MED16: variants seen among roughly 807,000 people sequenced by gnomAD.
MED16 encodes mediator complex subunit 16, also known as mediator of RNA polymerase II transcription subunit 16.
In MED16, 81 loss-of-function variants were observed where a neutral mutation model predicts 84.4. That is an observed-to-expected ratio of 0.96 (90% confidence interval 0.80 to 1.15). The LOEUF (loss-of-function observed/expected upper bound fraction) is 1.15. Among genes scored for constraint, MED16 ranks in the 50% most tolerant of loss-of-function variants. The probability of loss-of-function intolerance (pLI) is 0.00; values close to 1 mark genes in which losing one functional copy is unlikely to be tolerated. For missense variants in MED16, 1,585 were observed against 1,245.9 expected, an observed-to-expected ratio of 1.27 and a Z score of -4.10; for synonymous variants, 897 against 552.2, an observed-to-expected ratio of 1.62 and a Z score of -8.76.
chr19:889,911 CGGCCCAGGTAG>C (rs1312308317), intron 3 of MED16, 104 bp from the exon 4 acceptor site: 23 of 1,383,112 alleles, frequency 1.7e-5, no homozygotes, highest in Non-Finnish European at 2.1e-5. Context: ...GGAGAGGTCT[CGGCCCAGGTAG>C]GGCACAGCAG....
intron 3 of MED16, 137 bp from the exon 4 acceptor site, chr19:889,944 C>A (rs1036759477): frequency 9.4e-7 from 1 of 1,066,674 alleles, no homozygotes; most frequent in African/African-American, 1.6e-5. Flanking sequence ...TGGCACAAGG[C>A]GCACTCCAGA....
Position 884,994 on chromosome 19 carries a change from C to G in MED16, c.894G>C (p.Ala298=). The G allele has an allele frequency of 1.9e-6, 3 of 1,603,240 alleles. No individual in the cohort carries two copies. The highest frequency in any genetic ancestry group is 2.5e-6 in the Non-Finnish European group (3 of 1,177,548). Residue 298 remains alanine (A), a synonymous_variant, in exon 6 of 16, where the codon GCG becomes GCC. Transcript: ENST00000325464. ...RDMSEQVLLC[A]SSQTSSIVEC... Reference sequence around the variant, plus strand: ...CCACGATGCTGCTGGTCTGGCTGGACGCGCACAAAAGCACCTGCGGGGGAG... The same window carrying G: ...CCACGATGCTGCTGGTCTGGCTGGAGGCGCACAAAAGCACCTGCGGGGGAG...
chr19:879,432 AGCCCCACG>A (rs1324903739), intron 8 of MED16, among the ~76,000 whole-genome samples: 1 of 50,402 alleles, frequency 2.0e-5, no homozygotes, highest in Non-Finnish European at 3.8e-5. Flanking sequence ...CACCAACCCC[AGCCCCACG>A]TGCCCCAGCA....
intron 1 of MED16, among the ~76,000 whole-genome samples, chr19:891,569 G>A (rs2036633781): frequency 6.6e-6 from 1 of 152,146 alleles, no homozygotes; most frequent in African/African-American, 2.4e-5. Flanking sequence ...CGGTGGGGCG[G>A]CTCCCTGTAG....
In MED16 at chr19:875,243, C is replaced by T; in HGVS notation, c.1771+1G>A. The T allele has an allele frequency of 6.2e-7, 1 of 1,604,704 alleles. No individual in the cohort carries two copies. The highest frequency in any genetic ancestry group is 1.1e-5 in the South Asian group (1 of 90,536). ...GGCCCCGGGCGTGGAAAAGGACCCA[C>T]CGACGTCGGTGATCTTGGTGCAGAT... On this transcript the variant is annotated splice_donor_variant, in intron 10 of 15. Coordinates refer to ENST00000325464, the MANE Select transcript of MED16 (RefSeq NM_005481.3). LOFTEE classifies it high-confidence loss of function.
chr19:878,250 C>T (rs1310562834), intron 8 of MED16, among the ~76,000 whole-genome samples: 12 of 75,414 alleles, frequency 1.6e-4, no homozygotes, highest in Non-Finnish European at 1.0e-4. Flanking sequence ...AGCCCCAGCC[C>T]CAGCCCCACG....
intron 9 of MED16, among the ~76,000 whole-genome samples, chr19:876,770 C>T (rs2036241444): frequency 6.6e-6 from 1 of 152,126 alleles, no homozygotes; most frequent in Admixed American, 6.5e-5. Context: ...GCAGAGACCT[C>T]CTCCACCCTC....
intron 4 of MED16, among the ~76,000 whole-genome samples, chr19:887,102 A>G (rs889124246): frequency 9.9e-5 from 15 of 152,020 alleles, no homozygotes; most frequent in Admixed American, 7.9e-4. Context: ...AAAAAGAACA[A>G]GAAAAATGTC....
chr19:870,720 G>GA (rs1357857348), intron 13 of MED16, among the ~76,000 whole-genome samples: 1 of 151,776 alleles, frequency 6.6e-6, no homozygotes, highest in African/African-American at 2.4e-5. Context: ...AACATGGAGG[G>GA]AAGGAGCCGT....
chr19:872,254 G>GAT (rs1438306734), intron 11 of MED16, 136 bp from the exon 12 acceptor site: 3 of 712,658 alleles, frequency 4.2e-6, no homozygotes, highest in East Asian at 5.7e-5. Context: ...TCAGGACTGG[G>GAT]GTGCTTCTGG....
intron 12 of MED16, chr19:871,474 T>TGGGCGGGGGGGGGCGG: frequency 1.4e-6 from 2 of 1,451,594 alleles, no homozygotes; most frequent in Non-Finnish European, 1.8e-6. Flanking sequence ...TGGCCTGTCA[T>TGGGCGGGGGGGGGCGG]GAGACTCCCT....
At chr19:890,034 C>A (rs2036602104) in intron 3 of MED16, 103 bp downstream of exon 3, 1 of 927,714 alleles carries the variant, frequency 1.1e-6, no homozygotes. Context: ...AGACCAGGGG[C>A]TCTAGACCCA....
chr19:884,065 C>T lies in MED16; in HGVS notation c.985+838G>A, dbSNP rs1396740868. Among the ~76,000 whole-genome samples, 11 of 152,292 alleles carry T rather than the reference C, an allele frequency of 7.2e-5. No homozygotes were observed. The East Asian group carries it at 1.7e-3, about 24-fold the overall frequency. ...CCATCGGGGCCTCTTGACACGTGCT[C>T]ATTAGTGGCTTCTGAGGAGCGCCTG... On this transcript the variant is annotated intron_variant, in intron 6 of 15. Coordinates refer to ENST00000325464, the MANE Select transcript of MED16 (RefSeq NM_005481.3).
chr19:881,086 G>A (rs769421324), intron 7 of MED16, among the ~76,000 whole-genome samples: 1 of 152,106 alleles, frequency 6.6e-6, no homozygotes, highest in African/African-American at 2.4e-5. Context: ...AACCAGGGAA[G>A]AACGGGAGCT....
intron 5 of MED16, among the ~76,000 whole-genome samples, 155 bp from the exon 6 acceptor site, chr19:885,163 C>T (rs1353081783): frequency 6.6e-6 from 1 of 152,186 alleles, no homozygotes; most frequent in Admixed American, 6.5e-5. Context: ...CCAGCCCAGG[C>T]CTGTCCCCAG....
chr19:880,012 G>C lies in MED16; in HGVS notation c.1278C>G (p.Gly426=). The change falls in exon 8 of 16, where the codon GGC becomes GGG. Residue 426 remains glycine (G), a synonymous_variant. Transcript: ENST00000325464. ...EPAMKRPRTA[G]PAVHLKAMQL... ...GCATAGCCTTTAAGTGGACGGCGGG[G>C]CCCGCGGTGCGGGGGCGCTTCATGG... is the stretch of plus-strand genomic sequence containing the variant. 6.2e-7 allele frequency: 1 copy of C among 1,610,158 alleles called. No individual in the cohort carries two copies. Among genetic ancestry groups the C allele is most frequent in the Non-Finnish European group, 8.5e-7 (1 of 1,178,718 alleles).
At position 871,269 on chromosome 19, in the gene MED16, G is replaced by A; in HGVS notation, c.2099-16C>T. 1.3e-6 allele frequency: 2 copies of A among 1,526,606 alleles called. No homozygotes were observed. Among genetic ancestry groups the A allele is most frequent in the Non-Finnish European group, 1.8e-6 (2 of 1,130,592 alleles). 94.6% of individuals were successfully genotyped at this position (1,526,606 alleles called of 1,614,324 possible). Reference sequence around the variant, plus strand: ...TCATCGCGACCTGCGGAGAGAGGTGGCGGAAGTCTCAGCACCCCTGACTGG... The same window carrying A: ...TCATCGCGACCTGCGGAGAGAGGTGACGGAAGTCTCAGCACCCCTGACTGG... On this transcript the variant is annotated splice_polypyrimidine_tract_variant and intron_variant, in intron 12 of 15. Coordinates refer to ENST00000325464, the MANE Select transcript of MED16 (RefSeq NM_005481.3).
chr19:884,940 G>A lies in MED16; in HGVS notation c.948C>T (p.Leu316=), dbSNP rs756195955. 1 of 1,609,796 alleles carries A rather than the reference G, an allele frequency of 6.2e-7. No homozygotes were observed. Residue 316 remains leucine, a synonymous_variant, in exon 6 of 16, where the codon CTC becomes CTT. Transcript: ENST00000325464. ...TCTGCTGGAAGATGTTGTTCACGGG[G>A]AGTCCCTCCTTGCGCAGGGACCAGC... is the stretch of plus-strand genomic sequence containing the variant. ...VECWSLRKEG[L]PVNNIFQQIS... is the part of the protein sequence containing the mutation.
At chr19:868,553 C>G in intron 14 of MED16, 54 bp from the exon 15 acceptor site, 1 of 1,589,874 alleles carries the variant, frequency 6.3e-7, no homozygotes, top group South Asian at 1.1e-5. Flanking sequence ...GCCTCCCTTA[C>G]GCCTGCCCCA....
Sources: allele counts gnomAD v4.1 joint callset (sites outside exome capture counted in the v4.1 genomes callset), GRCh38; gene constraint gnomAD v4.1.1; transcripts MANE v1.5; gene names NCBI Gene and HGNC (gene_info 2026-07-23, HGNC 2026-07-21).